Variants in ENG observed in about 807,000 individuals in gnomAD.
ENG encodes the protein endoglin, also known as CD105 antigen.
A neutral mutation model predicts 71.0 loss-of-function variants in ENG; 17 were observed. That is an observed-to-expected ratio of 0.24 (90% confidence interval 0.16 to 0.36). ENG has a LOEUF of 0.36. Among genes scored for constraint, ENG ranks in the 10% least tolerant of loss-of-function variants. The pLI, the probability that ENG is intolerant of heterozygous loss-of-function variation, is 1.00. For missense variants in ENG, 749 were observed against 868.3 expected (o/e 0.86, Z 1.73); for synonymous variants, 360 against 366.9 (o/e 0.98, Z 0.21).
In ENG at chr9:127,817,223, C is replaced by A; in HGVS notation, c.1687-20G>T. On this transcript the variant is annotated intron_variant, in intron 12 of 14. Coordinates refer to ENST00000373203, the MANE Select transcript of ENG (RefSeq NM_001114753.3). Reference sequence around the variant, plus strand: ...GACTTCCTGGAGGAGAAAGAGAGAGCAGTATGTGGCACCTTTGGGAGGCGG... The same window carrying A: ...GACTTCCTGGAGGAGAAAGAGAGAGAAGTATGTGGCACCTTTGGGAGGCGG... The A allele has an allele frequency of 6.2e-7, 1 of 1,613,944 alleles. No homozygotes were observed. Among genetic ancestry groups the A allele is most frequent in the South Asian group, 1.1e-5 (1 of 91,068 alleles).
chr9:127,843,296 A>G (rs757718436), intron 1 of ENG, 51 bp from the exon 2 acceptor site: 2 of 1,613,068 alleles, frequency 1.2e-6, no homozygotes, highest in Admixed American at 1.7e-5. Context: ...GGTGATGACA[A>G]TGACTCCTAC....
At chr9:127,844,690 A>T (rs1337043701) in intron 1 of ENG, among the ~76,000 whole-genome samples, 1 of 152,128 alleles carries the variant, frequency 6.6e-6, no homozygotes, top group Non-Finnish European at 1.5e-5. Context: ...CGGCCTCCCA[A>T]AGTGTTGGGA....
At chr9:127,851,121 G>A (rs184717243) in intron 1 of ENG, among the ~76,000 whole-genome samples, 81 of 152,238 alleles carry the variant, frequency 5.3e-4, no homozygotes, top group Admixed American at 8.5e-4. Flanking sequence ...AAGGAGTTCC[G>A]AGGTGATTTT....
chr9:127,824,773 A>AGGAAGG (rs1554810141), intron 7 of ENG, 27 bp downstream of exon 7: 4 of 1,505,478 alleles, frequency 2.7e-6, no homozygotes, highest in Non-Finnish European at 3.5e-6. Context: ...GGGGAAGGGA[A>AGGAAGG]GGGAGGGGCA....
rs933049719 is a variant in ENG, at chr9:127,815,819, G to A, written c.1853-13C>T. On this transcript the variant is annotated splice_polypyrimidine_tract_variant and intron_variant, in intron 14 of 14. Coordinates refer to ENST00000373203, the MANE Select transcript of ENG (RefSeq NM_001114753.3). ...TTGCTGGGGGAACCTGGGAGCGGGA[G>A]CGGGGGCAGGGGCGGAGGTCAGGGT... The A allele has an allele frequency of 2.0e-5, 31 of 1,547,218 alleles. No homozygotes were observed. The highest frequency in any genetic ancestry group is 2.4e-5 in the Non-Finnish European group (27 of 1,146,466).
intron 13 of ENG, chr9:127,816,664 G>T (rs781290134): frequency 8.5e-5 from 21 of 247,422 alleles, no homozygotes; most frequent in Non-Finnish European, 1.4e-4. Context: ...AGAGGTAGGT[G>T]CCCCCATCCC....
chr9:127,827,772 T>C (rs938339523), intron 3 of ENG, among the ~76,000 whole-genome samples: 1 of 151,760 alleles, frequency 6.6e-6, no homozygotes, highest in Non-Finnish European at 1.5e-5. Flanking sequence ...AACCAGCACT[T>C]TGGGAGGCCG....
At chr9:127,827,112 G>A in intron 3 of ENG, 1 of 169,538 alleles carries the variant, frequency 5.9e-6, no homozygotes. Context: ...ACTTTGTGCT[G>A]GGCCCTGGGC....
intron 7 of ENG, 66 bp downstream of exon 7, chr9:127,824,734 A>AC (rs2131886572): frequency 6.9e-7 from 1 of 1,441,228 alleles, no homozygotes; most frequent in Admixed American, 2.8e-5. Context: ...GAGGTGCTTC[A>AC]CCAACAGTGT....
intron 8 of ENG, chr9:127,822,302 C>T (rs1386544259): frequency 6.6e-6 from 1 of 152,186 alleles, no homozygotes; most frequent in Non-Finnish European, 1.5e-5. Context: ...TGCCTCTTCC[C>T]ACACTGGCAA....
chr9:127,817,216 G>C lies in ENG; in HGVS notation c.1687-13C>G. On this transcript the variant is annotated splice_polypyrimidine_tract_variant and intron_variant, in intron 12 of 14. Transcript: ENST00000373203. ...TCCTATGGACTTCCTGGAGGAGAAA[G>C]AGAGAGCAGTATGTGGCACCTTTGG... The C allele has an allele frequency of 6.2e-7, 1 of 1,613,486 alleles. No individual in the cohort carries two copies. The highest frequency in any genetic ancestry group is 1.1e-5 in the South Asian group (1 of 91,034).
At chr9:127,820,665 A>G (rs921268684) in intron 8 of ENG, among the ~76,000 whole-genome samples, 26 of 151,200 alleles carry the variant, frequency 1.7e-4, no homozygotes, top group African/African-American at 6.3e-4. Flanking sequence ...CGTCTCTACT[A>G]AAAATACAAA....
chr9:127,818,467 T>C, intron 11 of ENG, 90 bp from the exon 12 acceptor site: 1 of 1,573,424 alleles, frequency 6.4e-7, no homozygotes, highest in Admixed American at 1.8e-5. Flanking sequence ...GAATTAAGAG[T>C]TCCCACCCCT....
chr9:127,823,708 G>A (rs996704821), intron 8 of ENG, among the ~76,000 whole-genome samples: 4 of 117,702 alleles, frequency 3.4e-5, no homozygotes, highest in Admixed American at 1.0e-4. Flanking sequence ...CTGAGACAGA[G>A]TCTCACTCTG....
chr9:127,831,494 T>C (rs981749312), intron 2 of ENG, among the ~76,000 whole-genome samples: 4 of 151,770 alleles, frequency 2.6e-5, no homozygotes, highest in African/African-American at 9.7e-5. Context: ...TTCAATTCAT[T>C]CTCCTGCCTC....
At position 127,815,513 on chromosome 9, in the gene ENG, GTGGCTGCAC is replaced by G; in HGVS notation, c.*160_*168del. 2.2e-6 allele frequency: 3 copies of G among 1,338,992 alleles called. No homozygotes were observed. Among genetic ancestry groups the G allele is most frequent in the Non-Finnish European group, 3.0e-6 (3 of 1,009,678 alleles). The allele number at this position is 1,338,992 out of a possible 1,614,324, so 82.9% of individuals were successfully genotyped here. On this transcript the variant is annotated 3_prime_UTR_variant, in exon 15 of 15. Transcript: ENST00000373203. ...AGGGACCCCAAGGTGTTCCAAGCCA[GTGGCTGCAC>G]TGGCAGCAGGCCTCTGAGAGGGAGG...
Position 127,831,639 on chromosome 9 carries a change from C to T in ENG, c.220-1812G>A, listed in dbSNP as rs1384839450. On this transcript the variant is annotated intron_variant, in intron 2 of 14. Transcript: ENST00000373203. ...TGACCTTGTGATCCACCTGCCTCGG[C>T]CTCCCAAAGTGCTGGGATTACAGGT... 1.3e-5 allele frequency among the ~76,000 whole-genome samples: 2 copies of T among 151,734 alleles called. 1 individual carries two copies. The highest frequency in any genetic ancestry group is 4.2e-4 in the South Asian group (2 of 4,814).
Position 127,837,774 on chromosome 9 carries a change from GCATCCATC to G in ENG, c.219+5312_219+5319del, listed in dbSNP as rs5900769. ...TCCATCCTCTCATCCATGCATGAATGCATCCATCCATCCATCCATCCATCCATCCATCC... is the reference window on the plus strand; with the variant it reads ...TCCATCCTCTCATCCATGCATGAATGCATCCATCCATCCATCCATCCATCC... On this transcript the variant is annotated intron_variant, in intron 2 of 14. Transcript: ENST00000373203. Among the ~76,000 whole-genome samples, 64 of 112,962 alleles carry G rather than the reference GCATCCATC, an allele frequency of 5.7e-4. 2 individuals carry two copies. Among genetic ancestry groups the G allele is most frequent in the South Asian group, 4.1e-3 (17 of 4,136 alleles). 74.1% of individuals were successfully genotyped at this position (112,962 alleles called of 152,430 possible).
intron 2 of ENG, among the ~76,000 whole-genome samples, chr9:127,835,615 C>T (rs1292685451): frequency 6.6e-6 from 1 of 152,144 alleles, no homozygotes; most frequent in Non-Finnish European, 1.5e-5. Context: ...AGTCTGGTGG[C>T]CAAGCCCTGA....
Sources: allele counts gnomAD v4.1 joint callset (sites outside exome capture counted in the v4.1 genomes callset), GRCh38; gene constraint gnomAD v4.1.1; transcripts MANE v1.5; gene names NCBI Gene and HGNC (gene_info 2026-07-23, HGNC 2026-07-21).